Variants in GPATCH2 observed in about 807,000 individuals in gnomAD.
The protein encoded by GPATCH2 is G patch domain-containing protein 2.
GPATCH2 carries 51 observed loss-of-function variants against 58.0 expected under a neutral mutation model. That is an observed-to-expected ratio of 0.88 (90% CI 0.70 to 1.11). The LOEUF is 1.11. Among genes scored for constraint, GPATCH2 ranks in the 50% most tolerant of loss-of-function variants. GPATCH2 has a pLI of 0.00. For missense variants in GPATCH2, 625 were observed against 652.2 expected, an observed-to-expected ratio of 0.96 and a Z score of 0.45; for synonymous variants, 222 against 218.5, an observed-to-expected ratio of 1.02 and a Z score of -0.14.
chr1:217,557,658 T>C (rs1665713019), intron 5 of GPATCH2, among the ~76,000 whole-genome samples: 1 of 152,206 alleles, frequency 6.6e-6, no homozygotes, highest in African/African-American at 2.4e-5. Flanking sequence ...TGATTATCTC[T>C]TCATCCTTGA....
intron 8 of GPATCH2, among the ~76,000 whole-genome samples, chr1:217,470,862 A>G (rs899248946): frequency 6.6e-6 from 1 of 152,108 alleles, no homozygotes; most frequent in African/African-American, 2.4e-5. Context: ...CAATTAAACA[A>G]ATATAGAAAG....
intron 9 of GPATCH2, 60 bp downstream of exon 9, chr1:217,449,189 A>G: frequency 1.1e-6 from 1 of 878,572 alleles, no homozygotes. Flanking sequence ...TCTACATTTT[A>G]TTCTTCATGA....
chr1:217,521,372 A>T (rs1185078128), intron 5 of GPATCH2, among the ~76,000 whole-genome samples: 6 of 151,886 alleles, frequency 4.0e-5, no homozygotes, highest in Non-Finnish European at 5.9e-5. Flanking sequence ...AAAAAAAAAA[A>T]AAGATGATAT....
intron 6 of GPATCH2, among the ~76,000 whole-genome samples, chr1:217,502,251 C>T: frequency 6.6e-6 from 1 of 151,914 alleles, no homozygotes; most frequent in East Asian, 1.9e-4. Flanking sequence ...GCTATATCTA[C>T]AAAAAATCTT....
chr1:217,524,538 G>A (rs931287434), intron 5 of GPATCH2, among the ~76,000 whole-genome samples: 1 of 151,760 alleles, frequency 6.6e-6, no homozygotes, highest in Non-Finnish European at 1.5e-5. Flanking sequence ...GTAGCGAGCT[G>A]AGATCACGCC....
At chr1:217,559,015 T>A (rs1268863614) in intron 5 of GPATCH2, among the ~76,000 whole-genome samples, 1 of 152,028 alleles carries the variant, frequency 6.6e-6, no homozygotes, top group African/African-American at 2.4e-5. Context: ...CACACTCAAC[T>A]GACCACACGG....
intron 5 of GPATCH2, among the ~76,000 whole-genome samples, chr1:217,569,257 G>C (rs1019901742): frequency 6.6e-6 from 1 of 151,930 alleles, no homozygotes; most frequent in African/African-American, 2.4e-5. Flanking sequence ...GAAAATACTA[G>C]AAGAAACTAT....
chr1:217,604,048 T>C (rs1182746323), intron 5 of GPATCH2, among the ~76,000 whole-genome samples: 3 of 152,112 alleles, frequency 2.0e-5, no homozygotes, highest in East Asian at 3.8e-4. Flanking sequence ...AAATAAGTTA[T>C]TTAAAAAAGT....
At chr1:217,524,920 GGGAGAGGGGAGAGGGGAGAGGGA>G (rs1558458473) in intron 5 of GPATCH2, among the ~76,000 whole-genome samples, 36 of 22,678 alleles carry the variant, frequency 1.6e-3, no homozygotes, top group South Asian at 6.8e-3. Flanking sequence ...AGGGGGAGGG[GGGAGAGGGGAGAGGGGAGAGGGA>G]GATTTCAGTT....
intron 8 of GPATCH2, among the ~76,000 whole-genome samples, chr1:217,477,089 C>G (rs1465321927): frequency 6.6e-6 from 1 of 152,164 alleles, no homozygotes; most frequent in Non-Finnish European, 1.5e-5. Context: ...GCCCTCTTTT[C>G]AGGGCCTAGC....
At chr1:217,499,794 G>GA (rs1249083396) in intron 6 of GPATCH2, among the ~76,000 whole-genome samples, 2 of 148,722 alleles carry the variant, frequency 1.3e-5, no homozygotes, top group African/African-American at 2.5e-5. Context: ...CAGTTTAAAA[G>GA]AAAAAAACTA....
chr1:217,558,049 T>C (rs1406468051), intron 5 of GPATCH2, among the ~76,000 whole-genome samples: 2 of 152,174 alleles, frequency 1.3e-5, no homozygotes, highest in African/African-American at 2.4e-5. Flanking sequence ...ATTTCATCAA[T>C]CTTGAATTTA....
chr1:217,571,113 A>C (rs994274919), intron 5 of GPATCH2, among the ~76,000 whole-genome samples: 8 of 152,220 alleles, frequency 5.3e-5, no homozygotes, highest in Admixed American at 3.3e-4. Flanking sequence ...AAGTTTAATT[A>C]TATCAGACCG....
intron 5 of GPATCH2, among the ~76,000 whole-genome samples, chr1:217,597,163 CA>C (rs570344554): frequency 0.051 from 7,164 of 139,114 alleles, 227 homozygotes; most frequent in Middle Eastern, 0.11. Flanking sequence ...CTGTCCCTAC[CA>C]AAAAAAAAAA....
chr1:217,440,967 A>G (rs1659108036), intron 9 of GPATCH2, among the ~76,000 whole-genome samples: 1 of 152,192 alleles, frequency 6.6e-6, no homozygotes, highest in South Asian at 2.1e-4. Flanking sequence ...ATCCCCATCA[A>G]GCTAACATTG....
chr1:217,436,861 T>C (rs996108451), intron 9 of GPATCH2, among the ~76,000 whole-genome samples: 2 of 152,168 alleles, frequency 1.3e-5, no homozygotes, highest in African/African-American at 4.8e-5. Flanking sequence ...TGATCCCAAA[T>C]GTTACCCTTT....
chr1:217,562,781 T>A (rs1665992188), intron 5 of GPATCH2, among the ~76,000 whole-genome samples: 1 of 152,200 alleles, frequency 6.6e-6, no homozygotes, highest in Non-Finnish European at 1.5e-5. Context: ...GGTTTCTTCA[T>A]CTGTTAAAAC....
intron 5 of GPATCH2, among the ~76,000 whole-genome samples, chr1:217,571,776 C>G (rs1216670666): frequency 6.7e-6 from 1 of 150,156 alleles, no homozygotes; most frequent in Non-Finnish European, 1.5e-5. Flanking sequence ...GCCTATAGTC[C>G]CAGCTACTTG....
intron 5 of GPATCH2, among the ~76,000 whole-genome samples, chr1:217,569,489 G>A (rs1262949470): frequency 6.6e-6 from 1 of 152,116 alleles, no homozygotes; most frequent in African/African-American, 2.4e-5. Context: ...GAGGTCAGCA[G>A]TTCGAGACCA....
Sources: gnomAD v4.1 joint callset for allele counts (sites outside exome capture counted in the v4.1 genomes callset) on GRCh38, gnomAD v4.1.1 for gene constraint, MANE v1.5 for transcripts, NCBI Gene and HGNC (gene_info 2026-07-23, HGNC 2026-07-21) for gene names.